The following INPP4B variants were observed in gnomAD, a reference collection of about 807,000 sequenced individuals.
INPP4B encodes the protein inositol polyphosphate-4-phosphatase type II B.
INPP4B carries 55 observed loss-of-function variants against 122.5 expected under a neutral mutation model. The ratio of observed to expected loss-of-function variants is 0.45; its 90% CI spans 0.36 to 0.56. The LOEUF is 0.56. INPP4B is among the 20% of genes least tolerant of loss of function. INPP4B has a pLI of 0.00. For synonymous variants in INPP4B, 403 were observed against 388.7 expected, an observed-to-expected ratio of 1.04 and a Z score of -0.43; for missense variants, 1,000 against 1,097.7, an observed-to-expected ratio of 0.91 and a Z score of 1.26.
intron 2 of INPP4B, among the ~76,000 whole-genome samples, chr4:142,612,389 C>T (rs2150342933): frequency 6.6e-6 from 1 of 152,270 alleles, no homozygotes; most frequent in Admixed American, 6.5e-5. Context: ...TGCTATTTGC[C>T]TACTGCAATA....
At chr4:142,421,466 T>A (rs1431268892) in intron 5 of INPP4B, among the ~76,000 whole-genome samples, 1 of 152,140 alleles carries the variant, frequency 6.6e-6, no homozygotes, top group African/African-American at 2.4e-5. Context: ...TCATGATACC[T>A]ACATATAATT....
intron 7 of INPP4B, among the ~76,000 whole-genome samples, chr4:142,351,826 A>T (rs1782018951): frequency 6.6e-6 from 1 of 152,004 alleles, no homozygotes; most frequent in Non-Finnish European, 1.5e-5. Flanking sequence ...ATGTATTGTT[A>T]TTCTTGTAGT....
intron 2 of INPP4B, among the ~76,000 whole-genome samples, chr4:142,692,622 C>T (rs909783741): frequency 6.6e-5 from 10 of 152,158 alleles, no homozygotes; most frequent in African/African-American, 2.4e-4. Context: ...TGACCTAAAA[C>T]AAAGTTAAAA....
In INPP4B at chr4:142,472,614, C is replaced by CAT. The variant is rs202192233; in HGVS notation, c.-190-9890_-190-9889dup. The stretch of plus-strand genomic sequence containing the variant: ...CAATACCAGTGCCTCAGAATTATTA[C>CAT]ATAGCTCCCCATCTCAAAAGATTCT... On this transcript the variant is annotated intron_variant, in intron 2 of 25. Transcript: ENST00000262992. 2.5e-3 allele frequency among the ~76,000 whole-genome samples: 379 copies of CAT among 152,300 alleles called. 2 individuals carry two copies. Among genetic ancestry groups the CAT allele is most frequent in the African/African-American group, 8.6e-3 (356 of 41,578 alleles).
intron 7 of INPP4B, among the ~76,000 whole-genome samples, chr4:142,344,218 AAG>A (rs1377601660): frequency 5.9e-5 from 9 of 152,232 alleles, no homozygotes; most frequent in African/African-American, 2.2e-4. Flanking sequence ...TTGCACATGG[AAG>A]AGAGCATTAG....
chr4:142,254,556 T>G (rs1354604821), intron 11 of INPP4B, among the ~76,000 whole-genome samples: 1 of 152,068 alleles, frequency 6.6e-6, no homozygotes, highest in Non-Finnish European at 1.5e-5. Flanking sequence ...CTGTGAAGAA[T>G]GCAGAAGCCT....
chr4:142,298,709 T>C (rs1236690504), intron 9 of INPP4B, among the ~76,000 whole-genome samples: 1 of 111,826 alleles, frequency 8.9e-6, no homozygotes, highest in South Asian at 3.0e-4. Context: ...AAAAAAAAGA[T>C]AATAATAATT....
chr4:142,791,914 T>C (rs879713245), intron 1 of INPP4B, among the ~76,000 whole-genome samples: 1 of 151,994 alleles, frequency 6.6e-6, no homozygotes, highest in Non-Finnish European at 1.5e-5. Context: ...ACAGCCCACC[T>C]CCAACAATCC....
chr4:142,525,110 C>T (rs1176806586), intron 2 of INPP4B, among the ~76,000 whole-genome samples: 2 of 149,708 alleles, frequency 1.3e-5, no homozygotes, highest in Non-Finnish European at 3.0e-5. Flanking sequence ...AAACAGAGAG[C>T]CAAATCATGA....
intron 2 of INPP4B, among the ~76,000 whole-genome samples, chr4:142,491,148 C>T (rs1426117163): frequency 6.6e-6 from 1 of 152,106 alleles, no homozygotes; most frequent in South Asian, 2.1e-4. Flanking sequence ...ACACTGTTCT[C>T]TACAATGGCT....
At chr4:142,061,939 T>TATA (rs1560980830) in intron 25 of INPP4B, among the ~76,000 whole-genome samples, 20 of 104,866 alleles carry the variant, frequency 1.9e-4, no homozygotes, top group African/African-American at 7.3e-4. Flanking sequence ...TATATATATA[T>TATA]ATCTGTAACT....
At chr4:142,084,940 A>G (rs1578847543) in intron 24 of INPP4B, among the ~76,000 whole-genome samples, 1 of 152,314 alleles carries the variant, frequency 6.6e-6, no homozygotes, top group East Asian at 1.9e-4. Context: ...CCAATTTATG[A>G]CCTACCATTG....
chr4:142,434,468 G>A (rs890425438), intron 3 of INPP4B, among the ~76,000 whole-genome samples: 12 of 152,268 alleles, frequency 7.9e-5, no homozygotes, highest in Non-Finnish European at 1.8e-4. Context: ...TACCGGGGGT[G>A]GAAGAGAGCC....
At chr4:142,037,962 A>G (rs961859270) in intron 25 of INPP4B, among the ~76,000 whole-genome samples, 2 of 152,186 alleles carry the variant, frequency 1.3e-5, no homozygotes, top group Admixed American at 6.5e-5. Context: ...TTAAGTTTCC[A>G]TAGTAACAAA....
At chr4:142,347,572 T>A (rs1343949084) in intron 7 of INPP4B, 1 of 393,824 alleles carries the variant, frequency 2.5e-6, no homozygotes, top group South Asian at 2.0e-5. Flanking sequence ...TTAGAAAAGA[T>A]GCTATTATTT....
Position 142,023,294 on chromosome 4 carries a change from AT to A in INPP4B, c.*5487del, listed in dbSNP as rs1736034360. The A allele has an allele frequency of 6.6e-6, 1 of 152,202 alleles. No individual in the cohort carries two copies. Among genetic ancestry groups the A allele is most frequent in the African/African-American group, 2.4e-5 (1 of 41,464 alleles). 9.4% of individuals were successfully genotyped at this position (152,202 alleles called of 1,614,324 possible). ...AATGATCTATTTATGCCTAGAAAAA[AT>A]TTCTAGGAATACACATTATTGATTC... On this transcript the variant is annotated 3_prime_UTR_variant, in exon 26 of 26. Coordinates refer to ENST00000262992, the MANE Select transcript of INPP4B (RefSeq NM_001101669.3).
intron 3 of INPP4B, among the ~76,000 whole-genome samples, chr4:142,442,165 C>CT: frequency 6.6e-6 from 1 of 152,100 alleles, no homozygotes; most frequent in African/African-American, 2.4e-5. Flanking sequence ...GTAATCCCAG[C>CT]ACTTTGGGAG....
At chr4:142,124,966 C>T (rs1228598956) in intron 18 of INPP4B, among the ~76,000 whole-genome samples, 1 of 152,100 alleles carries the variant, frequency 6.6e-6, no homozygotes, top group African/African-American at 2.4e-5. Context: ...CAGACCTCTC[C>T]AAGTGGATGC....
At chr4:142,489,956 C>T (rs1172847326) in intron 2 of INPP4B, among the ~76,000 whole-genome samples, 5 of 151,984 alleles carry the variant, frequency 3.3e-5, no homozygotes, top group Non-Finnish European at 7.4e-5. Context: ...ATTATGTTTG[C>T]ATGTTATGTA....
Sources: gnomAD v4.1 joint callset for allele counts (sites outside exome capture counted in the v4.1 genomes callset) on GRCh38, gnomAD v4.1.1 for gene constraint, MANE v1.5 for transcripts, NCBI Gene and HGNC (gene_info 2026-07-23, HGNC 2026-07-21) for gene names.